RAPGEF1: variants seen among roughly 807,000 people sequenced by gnomAD.
RAPGEF1 encodes Rap guanine nucleotide exchange factor 1, also known as CRK SH3-binding GNRP.
In RAPGEF1, 33 loss-of-function variants were observed where a neutral mutation model predicts 143.3. That is an observed-to-expected ratio of 0.23 (90% confidence interval 0.17 to 0.31). The LOEUF is 0.31. RAPGEF1 is among the 10% of genes least tolerant of loss of function. RAPGEF1 has a pLI of 1.00. For missense variants in RAPGEF1, 1,199 were observed against 1,645.4 expected (o/e 0.73, Z 4.69); for synonymous variants, 629 against 676.5 (o/e 0.93, Z 1.09).
At chr9:131,676,427 C>A (rs1564681198) in intron 1 of RAPGEF1, among the ~76,000 whole-genome samples, 3 of 152,204 alleles carry the variant, frequency 2.0e-5, no homozygotes, top group African/African-American at 4.8e-5. Context: ...CTAAGATCTC[C>A]AAGATGGGCA....
chr9:131,721,248 G>A (rs1401960186), intron 1 of RAPGEF1, among the ~76,000 whole-genome samples: 2 of 152,176 alleles, frequency 1.3e-5, no homozygotes, highest in Non-Finnish European at 2.9e-5. Context: ...TCCAAATCAG[G>A]ACATTTCGAA....
chr9:131,657,292 C>T (rs1270467058), intron 1 of RAPGEF1, among the ~76,000 whole-genome samples: 1 of 152,190 alleles, frequency 6.6e-6, no homozygotes, highest in Non-Finnish European at 1.5e-5. Flanking sequence ...CTTTCTCATG[C>T]ACGTCAATCA....
intron 1 of RAPGEF1, among the ~76,000 whole-genome samples, chr9:131,669,470 C>T (rs1297866721): frequency 6.6e-6 from 1 of 152,188 alleles, no homozygotes; most frequent in East Asian, 1.9e-4. Flanking sequence ...TCATCCACCC[C>T]TTCACTCCAT....
chr9:131,709,799 C>A, intron 1 of RAPGEF1: 1 of 1,499,302 alleles, frequency 6.7e-7, no homozygotes, highest in South Asian at 1.3e-5. Context: ...AACCACCCAG[C>A]GGCAGAACCC....
chr9:131,712,232 C>A (rs537016613), intron 1 of RAPGEF1, among the ~76,000 whole-genome samples: 1 of 152,172 alleles, frequency 6.6e-6, no homozygotes, highest in African/African-American at 2.4e-5. Context: ...ACCCCCACCA[C>A]GCGAGAGGGG....
chr9:131,603,880 C>T lies in RAPGEF1; in HGVS notation c.2412+81G>A, dbSNP rs909523287. ...GGGCTCAGCCCAACAGAAGCAGGTG[C>T]GGGGGAAGCGGCCTCGGGAGGGCAG... On this transcript the variant is annotated intron_variant, in intron 14 of 26. Coordinates refer to ENST00000683357, the MANE Select transcript of RAPGEF1 (RefSeq NM_001377935.1). 9.5e-5 allele frequency: 79 copies of T among 829,296 alleles called. No homozygotes were observed. The African/African-American group carries it at 9.7e-4, about 10-fold the overall frequency. 51.4% of individuals were successfully genotyped at this position (829,296 alleles called of 1,614,324 possible).
rs772911499 is a variant in RAPGEF1, at chr9:131,580,233, G to A, written c.3641+30C>T. 15 of 1,611,644 alleles carry A rather than the reference G, an allele frequency of 9.3e-6. No homozygotes were observed. In the Admixed American group the frequency reaches 2.3e-4, roughly 25 times the overall value. Reference sequence around the variant, plus strand: ...TGTGTGTGGCCCGGGGCTCAGCTCTGCCTGGTCCCCCCGGGGCAGTGGCAC... The same window carrying A: ...TGTGTGTGGCCCGGGGCTCAGCTCTACCTGGTCCCCCCGGGGCAGTGGCAC... On this transcript the variant is annotated intron_variant, in intron 26 of 26. Coordinates refer to ENST00000683357, the MANE Select transcript of RAPGEF1 (RefSeq NM_001377935.1).
chr9:131,617,262 A>T (rs761154643), intron 12 of RAPGEF1, among the ~76,000 whole-genome samples: 3 of 152,238 alleles, frequency 2.0e-5, no homozygotes, highest in Non-Finnish European at 2.9e-5. Flanking sequence ...AAGATTTGTG[A>T]AAGGAGCTTG....
intron 12 of RAPGEF1, among the ~76,000 whole-genome samples, chr9:131,612,854 C>G (rs961246798): frequency 2.6e-5 from 4 of 152,230 alleles, no homozygotes; most frequent in African/African-American, 9.6e-5. Flanking sequence ...GAGTCAGACA[C>G]AGCAGCCAGA....
chr9:131,601,695 C>T (rs927945728), intron 15 of RAPGEF1, among the ~76,000 whole-genome samples: 2 of 152,132 alleles, frequency 1.3e-5, no homozygotes, highest in African/African-American at 2.4e-5. Context: ...CGCTTGAAGC[C>T]AGGAGTTAGT....
At chr9:131,697,472 G>A (rs2131078497) in intron 1 of RAPGEF1, among the ~76,000 whole-genome samples, 2 of 152,358 alleles carry the variant, frequency 1.3e-5, no homozygotes, top group South Asian at 4.1e-4. Flanking sequence ...GGCCAACAAG[G>A]TTTTGACGCT....
chr9:131,668,329 A>G (rs1323275306), intron 1 of RAPGEF1, among the ~76,000 whole-genome samples: 1 of 152,230 alleles, frequency 6.6e-6, no homozygotes, highest in East Asian at 1.9e-4. Flanking sequence ...TTCCTCTCAG[A>G]AATTTTTAAA....
At chr9:131,669,687 C>T (rs1831038208) in intron 1 of RAPGEF1, among the ~76,000 whole-genome samples, 1 of 152,164 alleles carries the variant, frequency 6.6e-6, no homozygotes, top group African/African-American at 2.4e-5. Context: ...GATAGAAGAG[C>T]CCACCCTGGT....
intron 19 of RAPGEF1, among the ~76,000 whole-genome samples, 197 bp from the exon 20 acceptor site, chr9:131,589,183 G>A (rs1244079062): frequency 6.6e-6 from 1 of 152,212 alleles, no homozygotes; most frequent in Non-Finnish European, 1.5e-5. Context: ...ATGGTCACAA[G>A]CACCTGCCAC....
chr9:131,690,842 G>A (rs1833735391), intron 1 of RAPGEF1, among the ~76,000 whole-genome samples: 3 of 152,114 alleles, frequency 2.0e-5, no homozygotes, highest in African/African-American at 7.2e-5. Flanking sequence ...ATAGAATTTG[G>A]TTCTCTCAAC....
At chr9:131,633,001 C>T (rs1483814067) in intron 5 of RAPGEF1, among the ~76,000 whole-genome samples, 1 of 152,218 alleles carries the variant, frequency 6.6e-6, no homozygotes, top group Non-Finnish European at 1.5e-5. Flanking sequence ...AGCCACCACG[C>T]TCAGCCAGGC....
At chr9:131,613,545 C>G (rs1276867077) in intron 12 of RAPGEF1, among the ~76,000 whole-genome samples, 1 of 152,122 alleles carries the variant, frequency 6.6e-6, no homozygotes, top group African/African-American at 2.4e-5. Flanking sequence ...AGTGAGTGGC[C>G]ACGGGCTGGA....
At chr9:131,609,703 C>T (rs17539168) in intron 12 of RAPGEF1, among the ~76,000 whole-genome samples, 35,512 of 152,102 alleles carry the variant, frequency 0.23, 4,516 homozygotes, top group Non-Finnish European at 0.29. Context: ...ACCTCATATG[C>T]GAGCGTGTGG....
intron 1 of RAPGEF1, among the ~76,000 whole-genome samples, chr9:131,714,712 T>C (rs866135069): frequency 1.4e-5 from 2 of 147,518 alleles, no homozygotes; most frequent in Non-Finnish European, 3.0e-5. Context: ...TGCCTTTTTT[T>C]TTTTTTTTTT....
Sources: allele counts gnomAD v4.1 joint callset (sites outside exome capture counted in the v4.1 genomes callset), GRCh38; gene constraint gnomAD v4.1.1; transcripts MANE v1.5; gene names NCBI Gene and HGNC (gene_info 2026-07-23, HGNC 2026-07-21).